GABRB3: variants seen among roughly 807,000 people sequenced by gnomAD.
The protein encoded by GABRB3 is gamma-aminobutyric acid receptor subunit beta-3.
A neutral mutation model predicts 52.1 loss-of-function variants in GABRB3; 14 were observed. The ratio of observed to expected loss-of-function variants is 0.27; its 90% confidence interval spans 0.18 to 0.42. GABRB3 has a LOEUF of 0.42. Among genes scored for constraint, GABRB3 ranks in the 10% least tolerant of loss-of-function variants. The pLI is 1.00. For missense variants in GABRB3, 307 were observed against 609.1 expected, an observed-to-expected ratio of 0.50 and a Z score of 5.22; for synonymous variants, 260 against 232.3, an observed-to-expected ratio of 1.12 and a Z score of -1.08.
intron 4 of GABRB3, among the ~76,000 whole-genome samples, chr15:26,607,267 TACTTTTATCTATGTATATCTACAG>T (rs1369189676): frequency 1.3e-5 from 2 of 152,190 alleles, no homozygotes; most frequent in African/African-American, 4.8e-5. Context: ...GCTTAAGTTT[TACTTTTATCTATGTATATCTACAG>T]ACTCCACCAA....
At chr15:26,565,046 AATAC>A (rs1162843264) in intron 7 of GABRB3, among the ~76,000 whole-genome samples, 1 of 152,218 alleles carries the variant, frequency 6.6e-6, no homozygotes, top group Admixed American at 6.5e-5. Flanking sequence ...CTGGAGCAAT[AATAC>A]TTCGTACTGT....
intron 3 of GABRB3, among the ~76,000 whole-genome samples, chr15:26,742,510 T>C (rs1029832225): frequency 1.3e-5 from 2 of 152,232 alleles, no homozygotes; most frequent in Non-Finnish European, 2.9e-5. Context: ...AGATATTTCA[T>C]ACGTGGCATG....
chr15:26,741,642 T>C (rs1340887240), intron 3 of GABRB3, among the ~76,000 whole-genome samples: 6 of 152,166 alleles, frequency 3.9e-5, no homozygotes, highest in Non-Finnish European at 7.4e-5. Flanking sequence ...AGGGTCTCAC[T>C]CCGTCCCCCA....
At chr15:26,653,487 T>C (rs1489022151) in intron 3 of GABRB3, among the ~76,000 whole-genome samples, 1 of 152,096 alleles carries the variant, frequency 6.6e-6, no homozygotes, top group Non-Finnish European at 1.5e-5. Context: ...AGCTGACCAA[T>C]CAGCACTCCC....
intron 3 of GABRB3, among the ~76,000 whole-genome samples, chr15:26,752,078 G>A (rs1883560316): frequency 6.6e-6 from 1 of 152,008 alleles, no homozygotes; most frequent in Non-Finnish European, 1.5e-5. Flanking sequence ...AGCACACCAA[G>A]AGCCTCCTCA....
chr15:26,674,020 C>A (rs1019451209), intron 3 of GABRB3, among the ~76,000 whole-genome samples: 1 of 151,674 alleles, frequency 6.6e-6, no homozygotes, highest in Non-Finnish European at 1.5e-5. Flanking sequence ...GGAGTGTGTA[C>A]ATTAATGTAT....
At chr15:26,711,576 C>T (rs1889297511) in intron 3 of GABRB3, among the ~76,000 whole-genome samples, 1 of 152,084 alleles carries the variant, frequency 6.6e-6, no homozygotes, top group Admixed American at 6.5e-5. Flanking sequence ...ACACTACCTC[C>T]CCCGCCCCAG....
intron 4 of GABRB3, chr15:26,615,577 G>A (rs913334066): frequency 8.4e-5 from 47 of 556,874 alleles, no homozygotes; most frequent in Admixed American, 8.3e-4. Flanking sequence ...GACTACTTTT[G>A]CACAGTCATC....
chr15:26,656,820 T>C (rs1887388043), intron 3 of GABRB3, among the ~76,000 whole-genome samples: 1 of 152,160 alleles, frequency 6.6e-6, no homozygotes, highest in Admixed American at 6.5e-5. Context: ...GCCAAAAAGG[T>C]TGGGGACCCT....
chr15:26,559,891 A>C (rs1483136009), intron 8 of GABRB3, among the ~76,000 whole-genome samples: 1 of 152,180 alleles, frequency 6.6e-6, no homozygotes, highest in East Asian at 1.9e-4. Flanking sequence ...GCTTCCAGAA[A>C]GAGCACTGCT....
At chr15:26,699,420 A>G (rs949596248) in intron 3 of GABRB3, among the ~76,000 whole-genome samples, 1 of 152,174 alleles carries the variant, frequency 6.6e-6, no homozygotes, top group African/African-American at 2.4e-5. Flanking sequence ...TCTGGCATCC[A>G]AACAGAGATT....
intron 3 of GABRB3, among the ~76,000 whole-genome samples, chr15:26,748,796 T>C (rs1890420259): frequency 6.6e-6 from 1 of 152,118 alleles, no homozygotes; most frequent in South Asian, 2.1e-4. Context: ...GAGGCCAAGG[T>C]GGGCAGATCA....
intron 3 of GABRB3, among the ~76,000 whole-genome samples, chr15:26,649,548 G>C (rs1192802211): frequency 6.6e-6 from 1 of 152,150 alleles, no homozygotes; most frequent in African/African-American, 2.4e-5. Context: ...ACTGGAGGTA[G>C]TGTAAAGAGA....
rs538855817 is a variant in GABRB3 at position 26,670,540 on chromosome 15, T to A, written c.241-49006A>T. ...AGCCCAGGCCCGTGCCGACCGCAGC[T>A]CCACGCCAGCTCTCGAGCCGCGCGG... On this transcript the variant is annotated intron_variant, in intron 3 of 8. Transcript: ENST00000311550. Among the ~76,000 whole-genome samples, 7 of 152,236 alleles carry A rather than the reference T, an allele frequency of 4.6e-5. No individual in the cohort carries two copies. In the South Asian group the frequency reaches 1.4e-3, roughly 32 times the overall value.
intron 3 of GABRB3, among the ~76,000 whole-genome samples, chr15:26,703,513 T>C (rs1022585411): frequency 1.3e-5 from 2 of 152,198 alleles, no homozygotes; most frequent in African/African-American, 4.8e-5. Flanking sequence ...ATTCACTCCA[T>C]GCCAATAGCC....
intron 7 of GABRB3, among the ~76,000 whole-genome samples, chr15:26,564,341 T>C (rs1890088474): frequency 6.6e-6 from 1 of 152,200 alleles, no homozygotes; most frequent in South Asian, 2.1e-4. Flanking sequence ...TGGTGGTCGT[T>C]AACGCTAACA....
intron 4 of GABRB3, chr15:26,615,543 C>A: frequency 1.4e-6 from 1 of 730,080 alleles, no homozygotes; most frequent in Non-Finnish European, 1.7e-6. Flanking sequence ...TGATCACTCT[C>A]AAGCATCTGC....
At chr15:26,773,467 A>G (rs918348121), upstream of GABRB3, among the ~76,000 whole-genome samples, 7 of 151,370 alleles carry the variant, frequency 4.6e-5, no homozygotes, top group Non-Finnish European at 1.0e-4. Flanking sequence ...CGGCGCCGGC[A>G]TAAGCGGCGG....
At chr15:26,579,424 G>C (rs1890709213) in intron 6 of GABRB3, among the ~76,000 whole-genome samples, 1 of 152,168 alleles carries the variant, frequency 6.6e-6, no homozygotes, top group African/African-American at 2.4e-5. Context: ...GAATGAGTCG[G>C]AGCTAGCCAC....
Sources: gnomAD v4.1 joint callset for allele counts (sites outside exome capture counted in the v4.1 genomes callset) on GRCh38, gnomAD v4.1.1 for gene constraint, MANE v1.5 for transcripts, NCBI Gene and HGNC (gene_info 2026-07-23, HGNC 2026-07-21) for gene names.